Variants in AFG2A observed in about 807,000 individuals in gnomAD.
The protein encoded by AFG2A is ATPase family gene 2 protein homolog A.
chr4:122,953,542 G>A, the AFG2A span, among the ~76,000 whole-genome samples: 3 of 152,228 alleles, frequency 2.0e-5, no homozygotes, highest in Non-Finnish European at 4.4e-5. Flanking sequence ...TCAGGGTTCT[G>A]GGGCCTTGGC....
At chr4:123,136,064 A>C in the AFG2A span, among the ~76,000 whole-genome samples, 2 of 152,224 alleles carry the variant, frequency 1.3e-5, no homozygotes, top group African/African-American at 2.4e-5. Flanking sequence ...AAATATTTGG[A>C]AATTTTTCAG....
chr4:123,087,807 G>A, the AFG2A span, among the ~76,000 whole-genome samples: 1 of 152,136 alleles, frequency 6.6e-6, no homozygotes, highest in Admixed American at 6.5e-5. Context: ...GCAGTGATTT[G>A]CCCTGTGACC....
the AFG2A span, among the ~76,000 whole-genome samples, chr4:123,279,268 G>A: frequency 6.6e-6 from 1 of 151,866 alleles, no homozygotes; most frequent in Non-Finnish European, 1.5e-5. Context: ...ATACAAAAAT[G>A]AGCCGGGCGT....
At chr4:123,059,135 T>TATTTTA in the AFG2A span, among the ~76,000 whole-genome samples, 1 of 138,372 alleles carries the variant, frequency 7.2e-6, no homozygotes, top group South Asian at 2.4e-4. Context: ...TTTCTTTTCT[T>TATTTTA]TTTTATTTTA....
At chr4:123,275,553 T>C in the AFG2A span, among the ~76,000 whole-genome samples, 1 of 152,120 alleles carries the variant, frequency 6.6e-6, no homozygotes, top group Non-Finnish European at 1.5e-5. Context: ...ATAGGTAAAC[T>C]GCATGTCATG....
chr4:122,951,769 G>T, the AFG2A span, among the ~76,000 whole-genome samples: 2 of 152,168 alleles, frequency 1.3e-5, 1 homozygote, highest in Admixed American at 1.3e-4. Flanking sequence ...GCCTGCTCAA[G>T]TGCAAGGATT....
At chr4:123,119,932 G>A in the AFG2A span, among the ~76,000 whole-genome samples, 17 of 152,128 alleles carry the variant, frequency 1.1e-4, no homozygotes, top group Non-Finnish European at 2.1e-4. Context: ...GTGCAAGCAG[G>A]GGTAATACCA....
chr4:123,238,779 C>T, the AFG2A span, among the ~76,000 whole-genome samples: 1 of 152,198 alleles, frequency 6.6e-6, no homozygotes, highest in Non-Finnish European at 1.5e-5. Context: ...GCCTCTTCTC[C>T]TCCAAAGGAT....
At chr4:123,110,982 G>A in the AFG2A span, among the ~76,000 whole-genome samples, 3 of 152,096 alleles carry the variant, frequency 2.0e-5, no homozygotes, top group Non-Finnish European at 2.9e-5. Context: ...AAAATTTTAT[G>A]TGTTAGAAAA....
chr4:123,199,429 A>G, the AFG2A span, among the ~76,000 whole-genome samples: 1 of 150,510 alleles, frequency 6.6e-6, no homozygotes, highest in Non-Finnish European at 1.5e-5. Context: ...AAAGAAACTA[A>G]ATTATGGAAT....
At chr4:122,923,223 T>G in the AFG2A span, 1 of 1,614,202 alleles carries the variant, frequency 6.2e-7, no homozygotes. Flanking sequence ...CTTCCTCTTG[T>G]GCGGAGGCAC....
chr4:123,312,604 C>G, the AFG2A span, among the ~76,000 whole-genome samples: 4 of 152,300 alleles, frequency 2.6e-5, no homozygotes, highest in Middle Eastern at 6.8e-3. Context: ...CAAAAGAGCT[C>G]TTTTTGCACC....
the AFG2A span, among the ~76,000 whole-genome samples, chr4:123,283,358 A>G: frequency 3.4e-5 from 5 of 149,000 alleles, no homozygotes; most frequent in African/African-American, 9.9e-5. Context: ...GGAAAAAAAA[A>G]AGAGAGAGAG....
chr4:123,319,161 A>G, the AFG2A span: 2 of 152,222 alleles, frequency 1.3e-5, no homozygotes, highest in Admixed American at 1.3e-4. Context: ...AAAATAATAT[A>G]TAGATTTTGC....
At chr4:123,023,620 G>T in the AFG2A span, among the ~76,000 whole-genome samples, 1 of 152,000 alleles carries the variant, frequency 6.6e-6, no homozygotes, top group Non-Finnish European at 1.5e-5. Context: ...TTCCACACAG[G>T]CCTTGATAGT....
At chr4:123,121,164 G>A in the AFG2A span, among the ~76,000 whole-genome samples, 1 of 151,164 alleles carries the variant, frequency 6.6e-6, no homozygotes, top group Admixed American at 6.6e-5. Context: ...AAGCCTATAG[G>A]ATAAGGATAT....
the AFG2A span, among the ~76,000 whole-genome samples, chr4:123,206,624 A>G: frequency 6.6e-6 from 1 of 152,214 alleles, no homozygotes; most frequent in African/African-American, 2.4e-5. Context: ...AAAAGCATCA[A>G]GGAAAGCCTA....
At chr4:122,943,755 A>T in the AFG2A span, among the ~76,000 whole-genome samples, 9 of 152,174 alleles carry the variant, frequency 5.9e-5, no homozygotes, top group South Asian at 1.7e-3. Context: ...TTTTGGCATG[A>T]TTTTGCAGCA....
chr4:122,961,959 C>T, the AFG2A span, among the ~76,000 whole-genome samples: 4 of 152,284 alleles, frequency 2.6e-5, no homozygotes, highest in African/African-American at 7.2e-5. Context: ...CACCAGGGAC[C>T]GGTTTTGTGG....
Sources: allele counts gnomAD v4.1 joint callset (sites outside exome capture counted in the v4.1 genomes callset), GRCh38; gene constraint gnomAD v4.1.1; transcripts MANE v1.5; gene names NCBI Gene and HGNC (gene_info 2026-07-23, HGNC 2026-07-21).